Variants in LTA observed in about 807,000 individuals in gnomAD.
LTA encodes the protein lymphotoxin-alpha.
In LTA, 6 loss-of-function variants were observed where a neutral mutation model predicts 15.1. That is an observed-to-expected ratio of 0.40 (90% confidence interval 0.22 to 0.78). The LOEUF (loss-of-function observed/expected upper bound fraction) is 0.78. LTA is among the 30% of genes least tolerant of loss of function. LTA has a pLI of 0.38. For missense variants in LTA, 173 were observed against 249.5 expected (o/e 0.69, Z 2.06); for synonymous variants, 87 against 107.3 (o/e 0.81, Z 1.17).
At chr6:31,572,630 C>G (rs1179362728) in intron 1 of LTA, 104 bp from the exon 2 acceptor site, 5 of 741,758 alleles carry the variant, frequency 6.7e-6, no homozygotes. Flanking sequence ...GTCGATCTCT[C>G]TCTCGGGGGT....
Position 31,573,360 on chromosome 6 carries a change from C to A in LTA, c.285C>A (p.Ser95Arg), listed in dbSNP as rs1319611508. Residue 95 changes from serine to arginine, a missense_variant, in exon 4 of 4, where the codon AGC becomes AGA. Transcript: ENST00000418386. ...RAFLQDGFSLSNNSLLVPTSG... is the reference protein window; with the variant it reads ...RAFLQDGFSLRNNSLLVPTSG... ...TCCTCCAGGATGGTTTCTCCTTGAG[C>A]AACAATTCTCTCCTGGTCCCCACCA... 6.2e-7 allele frequency: 1 copy of A among 1,613,904 alleles called. No homozygotes were observed. Among genetic ancestry groups the A allele is most frequent in the African/African-American group, 1.3e-5 (1 of 74,850 alleles).
At chr6:31,572,660 G>A (rs945433366) in intron 1 of LTA, 74 bp from the exon 2 acceptor site, 4 of 1,065,820 alleles carry the variant, frequency 3.8e-6, no homozygotes, top group Non-Finnish European at 5.7e-6. Context: ...CTCTCTCCCA[G>A]GGCGGGAGGT....
In LTA at chr6:31,574,125, A is replaced by G. The variant is rs940918023; in HGVS notation, c.*432A>G. On this transcript the variant is annotated 3_prime_UTR_variant, in exon 4 of 4. Coordinates refer to ENST00000418386, the MANE Select transcript of LTA (RefSeq NM_000595.4). The stretch of plus-strand genomic sequence containing the variant: ...GAGGGGAATAATAGAAGAACATCCA[A>G]GGAGAAACAGAGACAGGCCCAAGAG... 1.2e-5 allele frequency: 4 copies of G among 337,914 alleles called. No homozygotes were observed. Among genetic ancestry groups the G allele is most frequent in the Non-Finnish European group, 2.3e-5 (4 of 174,716 alleles). The allele number at this position is 337,914 out of a possible 1,614,324, so 20.9% of individuals were successfully genotyped here. A position where few individuals can be genotyped will look rare whatever the true frequency, so the allele number is the denominator to read the frequency against.
the LTA span, among the ~76,000 whole-genome samples, chr6:31,564,574 C>T: frequency 6.6e-6 from 1 of 151,814 alleles, no homozygotes; most frequent in Non-Finnish European, 1.5e-5. Flanking sequence ...TGAGCCACTG[C>T]GCCCAGCCGA....
At position 31,572,428 on chromosome 6, in the gene LTA, TGCCTGG is replaced by T. The variant is rs1168104262; in HGVS notation, c.-17_-12del. 1.0e-5 allele frequency: 5 copies of T among 502,502 alleles called. No homozygotes were observed. The South Asian group carries it at 1.3e-4, about 13-fold the overall frequency. The allele number at this position is 502,502 out of a possible 1,614,324, so 31.1% of individuals were successfully genotyped here. On this transcript the variant is annotated 5_prime_UTR_variant, in exon 1 of 4. Transcript: ENST00000418386. ...GCACCTGCTGCCTGGATCCCCGGCCTGCCTGGGCCTGGGCCTTGGTGGGTTTGGTTT... is the reference window on the plus strand; with the variant it reads ...GCACCTGCTGCCTGGATCCCCGGCCTGCCTGGGCCTTGGTGGGTTTGGTTT...
upstream of LTA, among the ~76,000 whole-genome samples, chr6:31,569,838 C>T (rs1201116866): frequency 1.3e-5 from 2 of 151,814 alleles, no homozygotes; most frequent in Non-Finnish European, 2.9e-5. Flanking sequence ...CCTATCTCAT[C>T]TGATAGTAGG....
the LTA span, among the ~76,000 whole-genome samples, chr6:31,562,859 C>CA: frequency 2.0e-3 from 187 of 93,416 alleles, no homozygotes; most frequent in South Asian, 3.3e-3. Context: ...GACTCAGTCT[C>CA]AAAAAAAAAA....
At chr6:31,566,797 A>G in the LTA span, among the ~76,000 whole-genome samples, 4 of 151,874 alleles carry the variant, frequency 2.6e-5, no homozygotes, top group African/African-American at 9.7e-5. Context: ...AAAATTAGCC[A>G]GGCATGGTGG....
chr6:31,561,946 G>A, the LTA span, among the ~76,000 whole-genome samples: 1 of 151,994 alleles, frequency 6.6e-6, no homozygotes, highest in East Asian at 1.9e-4. Flanking sequence ...GAGAAGTTGG[G>A]TCTGGAGGAA....
In LTA at chr6:31,572,939, T is replaced by C. The variant is rs768662882; in HGVS notation, c.111T>C (p.Gly37=). ...CTGTTCTCCCCTAGGGGCTCCCTGGTGTTGGCCTCACACCTTCAGCTGCCC... is the reference window on the plus strand; with the variant it reads ...CTGTTCTCCCCTAGGGGCTCCCTGGCGTTGGCCTCACACCTTCAGCTGCCC... ...VLLPGAQGLP[G]VGLTPSAAQT... Residue 37 remains glycine, a synonymous_variant, in exon 3 of 4, where the codon GGT becomes GGC. Coordinates refer to ENST00000418386, the MANE Select transcript of LTA (RefSeq NM_000595.4). The C allele has an allele frequency of 1.2e-6, 2 of 1,612,558 alleles. No individual in the cohort carries two copies.
chr6:31,562,114 G>A, the LTA span, among the ~76,000 whole-genome samples: 2 of 151,692 alleles, frequency 1.3e-5, no homozygotes, highest in Admixed American at 6.6e-5. Context: ...AGCAGGGCAC[G>A]GGGGGCGGGG....
At chr6:31,563,316 T>C in the LTA span, among the ~76,000 whole-genome samples, 372 of 152,070 alleles carry the variant, frequency 2.4e-3, 8 homozygotes, top group East Asian at 0.053. Context: ...AGATTAAATA[T>C]AACAAAATTA....
chr6:31,567,442 A>T (rs758763366), upstream of LTA, among the ~76,000 whole-genome samples: 48 of 152,104 alleles, frequency 3.2e-4, no homozygotes, highest in Admixed American at 1.2e-3. Context: ...ACACACCTGT[A>T]GTCCTAGATA....
At chr6:31,565,040 C>T in the LTA span, among the ~76,000 whole-genome samples, 1 of 152,096 alleles carries the variant, frequency 6.6e-6, no homozygotes, top group African/African-American at 2.4e-5. Context: ...ACAGGAAAAG[C>T]ATGGCAAATG....
At position 31,574,117 on chromosome 6, in the gene LTA, A is replaced by C; in HGVS notation, c.*424A>C. The C allele has an allele frequency of 2.9e-6, 1 of 343,880 alleles. No individual in the cohort carries two copies. Among genetic ancestry groups the C allele is most frequent in the Non-Finnish European group, 5.6e-6 (1 of 177,944 alleles). 21.3% of individuals were successfully genotyped at this position (343,880 alleles called of 1,614,324 possible). ...GATGGAGAGAGGGGAATAATAGAAG[A>C]ACATCCAAGGAGAAACAGAGACAGG... On this transcript the variant is annotated 3_prime_UTR_variant, in exon 4 of 4. Transcript: ENST00000418386.
At chr6:31,572,668 G>A in intron 1 of LTA, 66 bp from the exon 2 acceptor site, 1 of 1,161,820 alleles carries the variant, frequency 8.6e-7, no homozygotes, top group Non-Finnish European at 1.3e-6. Context: ...CAGGGCGGGA[G>A]GTCTGTCTTC....
upstream of LTA, among the ~76,000 whole-genome samples, chr6:31,567,547 A>G (rs111314923): frequency 6.6e-6 from 1 of 151,554 alleles, no homozygotes; most frequent in Non-Finnish European, 1.5e-5. Flanking sequence ...TAGGCCACAG[A>G]GCAAGACACC....
chr6:31,572,709 T>TCG, intron 1 of LTA, 25 bp from the exon 2 acceptor site: 1 of 1,528,932 alleles, frequency 6.5e-7, no homozygotes, highest in Non-Finnish European at 9.0e-7. Flanking sequence ...TCACTGTCTC[T>TCG]CTCTCTCTCT....
At position 31,574,137 on chromosome 6, in the gene LTA, G is replaced by C. The variant is rs1202140224; in HGVS notation, c.*444G>C. The C allele has an allele frequency of 6.0e-6, 2 of 331,030 alleles. No homozygotes were observed. Among genetic ancestry groups the C allele is most frequent in the Non-Finnish European group, 1.2e-5 (2 of 170,794 alleles). 20.5% of individuals were successfully genotyped at this position (331,030 alleles called of 1,614,324 possible). ...AGAAGAACATCCAAGGAGAAACAGA[G>C]ACAGGCCCAAGAGATGAAGAGTGAG... is the stretch of plus-strand genomic sequence containing the variant. On this transcript the variant is annotated 3_prime_UTR_variant, in exon 4 of 4. Transcript: ENST00000418386.
Sources: gnomAD v4.1 joint callset for allele counts (sites outside exome capture counted in the v4.1 genomes callset) on GRCh38, gnomAD v4.1.1 for gene constraint, MANE v1.5 for transcripts, NCBI Gene and HGNC (gene_info 2026-07-23, HGNC 2026-07-21) for gene names.